The following KCNQ1OT1 variants were observed in gnomAD, a reference collection of about 807,000 sequenced individuals.
The protein encoded by KCNQ1OT1 is KCNQ1 antisense RNA 2 (non-protein coding).
At position 2,613,164 on chromosome 11, in the gene KCNQ1OT1, C is replaced by A. The variant is rs142286686; in HGVS notation, n.86831G>T. 3.1e-4 allele frequency: 122 copies of A among 398,544 alleles called. No homozygotes were observed. The highest frequency in any genetic ancestry group is 2.5e-3 in the African/African-American group (120 of 48,708). 24.7% of individuals were successfully genotyped at this position (398,544 alleles called of 1,614,324 possible). ...GAGGGGATCTATGTGTGGGTTGGGA[C>A]ATTCAAAGTTCAGGCACTTTATAAC... is the stretch of plus-strand genomic sequence containing the variant. On this transcript the variant is annotated non_coding_transcript_exon_variant, in exon 1 of 1. Transcript: ENST00000597346. The surrounding 1 kb of genome is among the most constrained non-coding windows in gnomAD (Gnocchi z 4.8).
At chr11:2,665,422 ACTCACTATCCTCTG>A (rs1407479778) in exon 1 of KCNQ1OT1, 1 of 396,888 alleles carries the variant, frequency 2.5e-6, no homozygotes, top group African/African-American at 2.1e-5. Context: ...ATTCTGACCC[ACTCACTATCCTCTG>A]CTCACCAAGG....
chr11:2,618,026 T>C (rs928447472), exon 1 of KCNQ1OT1: 1 of 398,402 alleles, frequency 2.5e-6, no homozygotes, highest in African/African-American at 2.1e-5. Context: ...TGTGCAGAAG[T>C]TTTTTAGTTT....
chr11:2,697,127 G>A, exon 1 of KCNQ1OT1: 1 of 398,580 alleles, frequency 2.5e-6, no homozygotes, highest in Non-Finnish European at 4.4e-6. Context: ...GAGTTTTCCA[G>A]AGGCAGCACA....
At position 2,687,966 on chromosome 11, in the gene KCNQ1OT1, C is replaced by T. The variant is rs1850519668; in HGVS notation, n.12029G>A. 5.0e-6 allele frequency: 2 copies of T among 398,792 alleles called. No individual in the cohort carries two copies. The highest frequency in any genetic ancestry group is 8.8e-6 in the Non-Finnish European group (2 of 226,186). 24.7% of individuals were successfully genotyped at this position (398,792 alleles called of 1,614,324 possible). Reference sequence around the variant, plus strand: ...CCGCTGTGGGTCAGCCAGGCCGCTGCTTCCTGCTTCCCTTTGATGTCTCCT... The same window carrying T: ...CCGCTGTGGGTCAGCCAGGCCGCTGTTTCCTGCTTCCCTTTGATGTCTCCT... On this transcript the variant is annotated non_coding_transcript_exon_variant, in exon 1 of 1. Transcript: ENST00000597346. This position sits in a 1 kb window ranked among gnomAD's most constrained non-coding sequence, Gnocchi z 5.0.
Position 2,695,760 on chromosome 11 carries a change from C to T in KCNQ1OT1, n.4235G>A, listed in dbSNP as rs1381111442. The T allele has an allele frequency of 5.0e-6, 2 of 398,540 alleles. No homozygotes were observed. The highest frequency in any genetic ancestry group is 4.1e-5 in the African/African-American group (2 of 48,634). 24.7% of individuals were successfully genotyped at this position (398,540 alleles called of 1,614,324 possible). A position where few individuals can be genotyped will look rare whatever the true frequency, so the allele number is the denominator to read the frequency against. The stretch of plus-strand genomic sequence containing the variant: ...GCTTGTTCCTTGCCTTCTGCCAACA[C>T]TTGGCCTTATCCTACTTTCTAATGC... On this transcript the variant is annotated non_coding_transcript_exon_variant, in exon 1 of 1. Transcript: ENST00000597346. The surrounding 1 kb of genome is among the most constrained non-coding windows in gnomAD (Gnocchi z 5.2).
chr11:2,649,569 A>G (rs1849726188), exon 1 of KCNQ1OT1: 2 of 398,536 alleles, frequency 5.0e-6, no homozygotes, highest in South Asian at 1.3e-4. Flanking sequence ...TGGGTATAGT[A>G]TTTGTGGCTA....
chr11:2,614,460 T>A (rs1849028554), exon 1 of KCNQ1OT1: 1 of 398,406 alleles, frequency 2.5e-6, no homozygotes, highest in Non-Finnish European at 4.4e-6. Context: ...TTATTTCCAA[T>A]CTCAAGTCAT....
chr11:2,686,384 G>C (rs1382966954), exon 1 of KCNQ1OT1: 1 of 398,556 alleles, frequency 2.5e-6, no homozygotes, highest in Non-Finnish European at 4.4e-6. Context: ...CAGAGCCAGG[G>C]TACCCCAACC....
Position 2,677,072 on chromosome 11 carries a change from A to T in KCNQ1OT1, n.22923T>A, listed in dbSNP as rs1017338556. 2.5e-6 allele frequency: 1 copy of T among 398,540 alleles called. No homozygotes were observed. Among genetic ancestry groups the T allele is most frequent in the African/African-American group, 2.1e-5 (1 of 48,624 alleles). 24.7% of individuals were successfully genotyped at this position (398,540 alleles called of 1,614,324 possible). The stretch of plus-strand genomic sequence containing the variant: ...AGCTAAAAAACAGCAGCCATTAACC[A>T]TTCAAATATATTCACTACTGAAATG... On this transcript the variant is annotated non_coding_transcript_exon_variant, in exon 1 of 1. Transcript: ENST00000597346. The surrounding 1 kb of genome is among the most constrained non-coding windows in gnomAD (Gnocchi z 4.5).
At position 2,614,161 on chromosome 11, in the gene KCNQ1OT1, G is replaced by A. The variant is rs142175190; in HGVS notation, n.85834C>T. The A allele has an allele frequency of 2.9e-4, 115 of 398,372 alleles. No homozygotes were observed. In the South Asian group the frequency reaches 3.1e-3, roughly 11 times the overall value. The allele number at this position is 398,372 out of a possible 1,614,324, so 24.7% of individuals were successfully genotyped here. ...CTGAGATACATCTACTCCATAAATC[G>A]AATCTACCCCCAAGAGGTGATTCTC... is the stretch of plus-strand genomic sequence containing the variant. On this transcript the variant is annotated non_coding_transcript_exon_variant, in exon 1 of 1. Coordinates refer to ENST00000597346, the Ensembl canonical transcript of KCNQ1OT1.
Position 2,668,472 on chromosome 11 carries a change from T to C in KCNQ1OT1, n.31523A>G. The C allele has an allele frequency of 2.5e-6, 1 of 398,654 alleles. No individual in the cohort carries two copies. The highest frequency in any genetic ancestry group is 4.4e-6 in the Non-Finnish European group (1 of 226,068). 24.7% of individuals were successfully genotyped at this position (398,654 alleles called of 1,614,324 possible). ...CTAACACTTGGCATTTTCCGTCGTT[T>C]CCTTTTCAGCCATGATGGTGAATGT... On this transcript the variant is annotated non_coding_transcript_exon_variant, in exon 1 of 1. Coordinates refer to ENST00000597346, the Ensembl canonical transcript of KCNQ1OT1. This position sits in a 1 kb window ranked among gnomAD's most constrained non-coding sequence, Gnocchi z 4.3.
At position 2,661,418 on chromosome 11, in the gene KCNQ1OT1, G is replaced by C. The variant is rs759259424; in HGVS notation, n.38577C>G. 3 of 415,038 alleles carry C rather than the reference G, an allele frequency of 7.2e-6. No individual in the cohort carries two copies. Among genetic ancestry groups the C allele is most frequent in the Non-Finnish European group, 1.3e-5 (3 of 235,076 alleles). 25.7% of individuals were successfully genotyped at this position (415,038 alleles called of 1,614,324 possible). ...TTGGAGGGACTCCTGTGCCTCATTG[G>C]GGGTACAACTGGTTGATGTAGCATC... is the stretch of plus-strand genomic sequence containing the variant. On this transcript the variant is annotated non_coding_transcript_exon_variant, in exon 1 of 1. Coordinates refer to ENST00000597346, the Ensembl canonical transcript of KCNQ1OT1. The surrounding 1 kb of genome is among the most constrained non-coding windows in gnomAD (Gnocchi z 5.9).
At chr11:2,650,332 A>T (rs951923327) in exon 1 of KCNQ1OT1, 1 of 398,206 alleles carries the variant, frequency 2.5e-6, no homozygotes, top group Non-Finnish European at 4.4e-6. Context: ...TTTTCCCCCC[A>T]AGTTTTTTGT....
chr11:2,674,833 A>T lies in KCNQ1OT1; in HGVS notation n.25162T>A, dbSNP rs1031840223. ...CTTGTCACCCTAATAGCTGTTTTTT[A>T]AAAAAAAAAAAAAAAAAAAAAAAAA... On this transcript the variant is annotated non_coding_transcript_exon_variant, in exon 1 of 1. Coordinates refer to ENST00000597346, the Ensembl canonical transcript of KCNQ1OT1. This position sits in a 1 kb window ranked among gnomAD's most constrained non-coding sequence, Gnocchi z 5.9. The T allele has an allele frequency of 6.9e-3, 522 of 75,940 alleles. No individual in the cohort carries two copies. Among genetic ancestry groups the T allele is most frequent in the East Asian group, 0.015 (46 of 2,998 alleles). The allele number at this position is 75,940 out of a possible 1,614,324, so 4.7% of individuals were successfully genotyped here.
exon 1 of KCNQ1OT1, chr11:2,632,617 CAG>C (rs2133818190): frequency 2.5e-6 from 1 of 398,308 alleles, no homozygotes; most frequent in East Asian, 3.6e-5. Context: ...ATAATCAAAT[CAG>C]GGTAATTAGC....
At chr11:2,643,082 A>G in exon 1 of KCNQ1OT1, 1 of 398,172 alleles carries the variant, frequency 2.5e-6, no homozygotes, top group South Asian at 1.3e-4. Flanking sequence ...GTCCTAACAT[A>G]TAATGTATCC....
chr11:2,658,703 T>C lies in KCNQ1OT1; in HGVS notation n.41292A>G, dbSNP rs117717212. Reference sequence around the variant, plus strand: ...GAGCTAGGAAATATATGTATGTATGTAACCTGAGTACACATACATCTTTAC... The same window carrying C: ...GAGCTAGGAAATATATGTATGTATGCAACCTGAGTACACATACATCTTTAC... On this transcript the variant is annotated non_coding_transcript_exon_variant, in exon 1 of 1. Coordinates refer to ENST00000597346, the Ensembl canonical transcript of KCNQ1OT1. This position sits in a 1 kb window ranked among gnomAD's most constrained non-coding sequence, Gnocchi z 4.9. 806 of 398,590 alleles carry C rather than the reference T, an allele frequency of 2.0e-3. 8 individuals are homozygous for C. The East Asian group carries it at 0.025, about 12-fold the overall frequency. 24.7% of individuals were successfully genotyped at this position (398,590 alleles called of 1,614,324 possible). A position where few individuals can be genotyped will look rare whatever the true frequency, so the allele number is the denominator to read the frequency against.
Position 2,647,733 on chromosome 11 carries a change from T to A in KCNQ1OT1, n.52262A>T. 2.5e-6 allele frequency: 1 copy of A among 398,548 alleles called. No individual in the cohort carries two copies. Among genetic ancestry groups the A allele is most frequent in the East Asian group, 3.6e-5 (1 of 28,046 alleles). 24.7% of individuals were successfully genotyped at this position (398,548 alleles called of 1,614,324 possible). A position where few individuals can be genotyped will look rare whatever the true frequency, so the allele number is the denominator to read the frequency against. On this transcript the variant is annotated non_coding_transcript_exon_variant, in exon 1 of 1. Transcript: ENST00000597346. The surrounding 1 kb of genome is among the most constrained non-coding windows in gnomAD (Gnocchi z 4.0). ...TGGTTCAATCTTGGGAGGTTATATA[T>A]GTCCAGGAATTTATCTCTTTCCTCT...
rs1288979237 is a variant in KCNQ1OT1 at position 2,698,686 on chromosome 11, C to T, written n.1309G>A. The T allele has an allele frequency of 5.0e-6, 2 of 398,792 alleles. No homozygotes were observed. The highest frequency in any genetic ancestry group is 4.1e-5 in the African/African-American group (2 of 48,596). 24.7% of individuals were successfully genotyped at this position (398,792 alleles called of 1,614,324 possible). On this transcript the variant is annotated non_coding_transcript_exon_variant, in exon 1 of 1. Coordinates refer to ENST00000597346, the Ensembl canonical transcript of KCNQ1OT1. The surrounding 1 kb of genome is among the most constrained non-coding windows in gnomAD (Gnocchi z 5.1). The stretch of plus-strand genomic sequence containing the variant: ...CAGAGCCCCCCATTCAGAACCTCTA[C>T]CCAAAGACAGACTCCAGACCCTGAC...
Sources: gnomAD v4.1 joint callset for allele counts on GRCh38, gnomAD v4.1.1 for gene constraint, Gnocchi (gnomAD v3.1) non-coding constraint, MANE v1.5 for transcripts, NCBI Gene and HGNC (gene_info 2026-07-23, HGNC 2026-07-21) for gene names.